The following NBEA variants were observed in gnomAD, a reference collection of about 807,000 sequenced individuals.
The protein encoded by NBEA is lysosomal-trafficking regulator 2.
NBEA carries 44 observed loss-of-function variants against 343.4 expected under a neutral mutation model. The observed-to-expected ratio is 0.13, with a 90% CI of 0.10 to 0.16. NBEA has a LOEUF of 0.16. Ranked by LOEUF, NBEA falls within the 10% of genes least tolerant of loss-of-function variation. The pLI, the probability that NBEA is intolerant of heterozygous loss-of-function variation, is 1.00. For synonymous variants in NBEA, 1,175 were observed against 1,238.7 expected, an observed-to-expected ratio of 0.95 and a Z score of 1.08; for missense variants, 2,555 against 3,631.3, an observed-to-expected ratio of 0.70 and a Z score of 7.62.
At chr13:35,491,704 G>A (rs1202534550) in intron 41 of NBEA, among the ~76,000 whole-genome samples, 1 of 151,824 alleles carries the variant, frequency 6.6e-6, no homozygotes, top group Non-Finnish European at 1.5e-5. Flanking sequence ...CTGGTTATCT[G>A]AGGCAATATA....
At position 35,589,902 on chromosome 13, in the gene NBEA, C is replaced by T. The variant is rs574190587; in HGVS notation, c.7177-3426C>T. 2.6e-5 allele frequency among the ~76,000 whole-genome samples: 4 copies of T among 152,140 alleles called. No homozygotes were observed. In the South Asian group the frequency reaches 8.3e-4, roughly 32 times the overall value. Reference sequence around the variant, plus strand: ...TTAGGAGAAGAAAGTCTGCCATTGGCCATTTATATTGCAGGACCTAACCTG... The same window carrying T: ...TTAGGAGAAGAAAGTCTGCCATTGGTCATTTATATTGCAGGACCTAACCTG... On this transcript the variant is annotated intron_variant, in intron 46 of 58. Transcript: ENST00000379939.
chr13:35,305,574 G>A (rs9593073), intron 35 of NBEA, among the ~76,000 whole-genome samples: 25,980 of 151,968 alleles, frequency 0.17, 2,637 homozygotes, highest in African/African-American at 0.28. Context: ...TACAAGAGCC[G>A]GGGCATGCTT....
intron 1 of NBEA, among the ~76,000 whole-genome samples, chr13:34,973,612 G>T (rs1288752254): frequency 3.9e-5 from 6 of 152,128 alleles, no homozygotes; most frequent in African/African-American, 1.4e-4. Flanking sequence ...GGCCTAGGTT[G>T]GTTTGGACTC....
At chr13:35,347,454 AG>A (rs545962119) in intron 36 of NBEA, among the ~76,000 whole-genome samples, 95 of 152,258 alleles carry the variant, frequency 6.2e-4, no homozygotes, top group African/African-American at 1.9e-3. Context: ...AAAAGGACAT[AG>A]ACAAAGGAAC....
intron 8 of NBEA, among the ~76,000 whole-genome samples, chr13:35,069,224 G>A (rs1229620102): frequency 6.6e-6 from 1 of 152,094 alleles, no homozygotes; most frequent in Non-Finnish European, 1.5e-5. Flanking sequence ...ATACTGATAT[G>A]TGATTATTGC....
At chr13:34,963,242 T>C (rs1414894172) in intron 1 of NBEA, among the ~76,000 whole-genome samples, 5 of 152,020 alleles carry the variant, frequency 3.3e-5, no homozygotes, top group Non-Finnish European at 7.4e-5. Context: ...GACTGGTTTC[T>C]TCTGAACCTT....
intron 17 of NBEA, among the ~76,000 whole-genome samples, chr13:35,141,486 C>T (rs775928104): frequency 3.3e-5 from 5 of 152,078 alleles, no homozygotes; most frequent in East Asian, 1.9e-4. Context: ...AGGCTTGTCT[C>T]GAACTTCTGA....
At chr13:35,665,005 T>G (rs955475234) in intron 55 of NBEA, 80 bp from the exon 56 acceptor site, 74 of 953,348 alleles carry the variant, frequency 7.8e-5, no homozygotes, top group Non-Finnish European at 6.6e-5. Flanking sequence ...CATGGGTATT[T>G]TTTGAATATT....
At chr13:35,414,942 G>T (rs534246946) in intron 38 of NBEA, among the ~76,000 whole-genome samples, 1 of 152,146 alleles carries the variant, frequency 6.6e-6, no homozygotes, top group African/African-American at 2.4e-5. Context: ...GTGTGAGATG[G>T]TATCTCATTG....
chr13:35,029,595 C>T (rs2152547543), intron 1 of NBEA, among the ~76,000 whole-genome samples: 1 of 151,642 alleles, frequency 6.6e-6, no homozygotes, highest in African/African-American at 2.4e-5. Context: ...AGAAATCCAG[C>T]AGTTTAACAA....
intron 28 of NBEA, among the ~76,000 whole-genome samples, chr13:35,177,551 G>A (rs576472564): frequency 2.3e-4 from 35 of 151,860 alleles, no homozygotes; most frequent in African/African-American, 8.4e-4. Context: ...AAAAATACAG[G>A]TATCTATGGG....
intron 55 of NBEA, 23 bp downstream of exon 55, chr13:35,655,772 T>C (rs771082917): frequency 1.9e-6 from 3 of 1,595,846 alleles, no homozygotes; most frequent in Non-Finnish European, 2.6e-6. Context: ...ATCAAATTTG[T>C]CCTATCAAAC....
intron 41 of NBEA, among the ~76,000 whole-genome samples, chr13:35,503,767 C>T (rs555251019): frequency 6.6e-6 from 1 of 151,990 alleles, no homozygotes; most frequent in South Asian, 2.1e-4. Context: ...GTTATTGCTC[C>T]TTTGTCAATA....
chr13:35,538,163 G>T (rs1458517162), intron 41 of NBEA, among the ~76,000 whole-genome samples: 1 of 152,088 alleles, frequency 6.6e-6, no homozygotes, highest in African/African-American at 2.4e-5. Flanking sequence ...TTCAAATTTT[G>T]AATTTTTTCA....
At chr13:35,125,150 TACA>T (rs1226555263) in intron 17 of NBEA, among the ~76,000 whole-genome samples, 1 of 152,092 alleles carries the variant, frequency 6.6e-6, no homozygotes, top group African/African-American at 2.4e-5. Context: ...GTATAAATGA[TACA>T]ACAAGAAGTA....
intron 41 of NBEA, among the ~76,000 whole-genome samples, chr13:35,493,957 A>G (rs1162424198): frequency 4.0e-5 from 6 of 151,864 alleles, no homozygotes; most frequent in Non-Finnish European, 8.8e-5. Context: ...TAAATCTTTT[A>G]AAAATGAATT....
chr13:35,324,421 A>G (rs1594219424), intron 36 of NBEA, among the ~76,000 whole-genome samples: 2 of 152,372 alleles, frequency 1.3e-5, no homozygotes, highest in East Asian at 1.9e-4. Context: ...TATTTCTTCT[A>G]TAACATGTCT....
At chr13:35,171,129 A>G in intron 25 of NBEA, 143 bp from the exon 26 acceptor site, 1 of 829,070 alleles carries the variant, frequency 1.2e-6, no homozygotes, top group Admixed American at 1.8e-5. Flanking sequence ...CTGGTGATAT[A>G]TGGAATTAGT....
At chr13:35,225,693 AT>A (rs1212468554) in intron 33 of NBEA, among the ~76,000 whole-genome samples, 1 of 151,856 alleles carries the variant, frequency 6.6e-6, no homozygotes, top group African/African-American at 2.4e-5. Context: ...AATTTAGCTG[AT>A]TTTTTTCTTG....
Sources: gnomAD v4.1 joint callset for allele counts (sites outside exome capture counted in the v4.1 genomes callset) on GRCh38, gnomAD v4.1.1 for gene constraint, MANE v1.5 for transcripts, NCBI Gene and HGNC (gene_info 2026-07-23, HGNC 2026-07-21) for gene names.